The following PDLIM5 variants were observed in gnomAD, a reference collection of about 807,000 sequenced individuals.
PDLIM5 encodes the protein PDZ and LIM domain protein 5.
Under a neutral mutation model 64.2 loss-of-function variants are expected in PDLIM5, and 34 were observed. That is an observed-to-expected ratio of 0.53 (90% CI 0.40 to 0.71). PDLIM5 has a LOEUF of 0.71. Among genes scored for constraint, PDLIM5 ranks in the 30% least tolerant of loss-of-function variants. PDLIM5 has a pLI of 0.00. For synonymous variants in PDLIM5, 253 were observed against 269.1 expected (o/e 0.94, Z 0.59); for missense variants, 683 against 733.6 (o/e 0.93, Z 0.80).
At chr4:94,509,483 A>G (rs1015212976) in intron 2 of PDLIM5, among the ~76,000 whole-genome samples, 2 of 152,200 alleles carry the variant, frequency 1.3e-5, no homozygotes, top group Non-Finnish European at 2.9e-5. Context: ...TGCCATGCCT[A>G]CAACAGCCTA....
intron 2 of PDLIM5, among the ~76,000 whole-genome samples, chr4:94,482,328 C>T (rs1244135665): frequency 1.3e-5 from 2 of 152,032 alleles, no homozygotes; most frequent in East Asian, 1.9e-4. Flanking sequence ...AGCCACTGCA[C>T]CCAGCCCAAT....
At chr4:94,643,050 T>G (rs1240401274) in intron 9 of PDLIM5, among the ~76,000 whole-genome samples, 1 of 152,184 alleles carries the variant, frequency 6.6e-6, no homozygotes, top group Non-Finnish European at 1.5e-5. Context: ...ATTTTATGTT[T>G]TATTTTATTT....
intron 9 of PDLIM5, among the ~76,000 whole-genome samples, chr4:94,647,137 A>G (rs1481343456): frequency 3.3e-5 from 5 of 152,166 alleles, no homozygotes. Context: ...AAATGCCACT[A>G]ATAAATCCTA....
At chr4:94,622,236 AT>A in intron 8 of PDLIM5, among the ~76,000 whole-genome samples, 1 of 152,200 alleles carries the variant, frequency 6.6e-6, no homozygotes, top group East Asian at 1.9e-4. Flanking sequence ...AAGTCTTTTG[AT>A]TTAGAAGGTG....
intron 2 of PDLIM5, among the ~76,000 whole-genome samples, chr4:94,464,683 C>A (rs892428181): frequency 6.6e-6 from 1 of 152,080 alleles, no homozygotes; most frequent in Non-Finnish European, 1.5e-5. Flanking sequence ...TTGGTCATTC[C>A]TTTGAAGTAT....
At chr4:94,512,409 C>T (rs1333246405) in intron 2 of PDLIM5, among the ~76,000 whole-genome samples, 3 of 152,118 alleles carry the variant, frequency 2.0e-5, no homozygotes, top group African/African-American at 7.2e-5. Context: ...TACAAGGGTT[C>T]CCTTTTCTCC....
intron 2 of PDLIM5, among the ~76,000 whole-genome samples, chr4:94,466,831 A>T (rs1241101434): frequency 6.6e-6 from 1 of 152,226 alleles, no homozygotes; most frequent in Non-Finnish European, 1.5e-5. Flanking sequence ...TTTATGACAA[A>T]TGAAAGATTT....
At chr4:94,540,524 T>C (rs1425323527) in intron 3 of PDLIM5, among the ~76,000 whole-genome samples, 1 of 152,158 alleles carries the variant, frequency 6.6e-6, no homozygotes, top group South Asian at 2.1e-4. Flanking sequence ...CTGTGTAATA[T>C]GTGTAGGGAG....
chr4:94,525,430 A>C (rs1039046467), intron 3 of PDLIM5, among the ~76,000 whole-genome samples: 1 of 144,586 alleles, frequency 6.9e-6, no homozygotes, highest in Non-Finnish European at 1.5e-5. Context: ...CACCCCCCAA[A>C]AAAATATTAA....
intron 7 of PDLIM5, chr4:94,586,957 C>CT (rs70946535): frequency 0.11 from 132,906 of 1,187,168 alleles, 3,564 homozygotes; most frequent in African/African-American, 0.21. Flanking sequence ...TTCTATCACT[C>CT]TTTTTTTTTT....
intron 7 of PDLIM5, among the ~76,000 whole-genome samples, chr4:94,593,625 T>C (rs1225826435): frequency 6.6e-6 from 1 of 152,166 alleles, no homozygotes; most frequent in Middle Eastern, 3.2e-3. Flanking sequence ...CCCACCCTTA[T>C]GACTTCATTT....
chr4:94,607,276 T>A (rs962332542), intron 7 of PDLIM5, among the ~76,000 whole-genome samples: 2 of 151,920 alleles, frequency 1.3e-5, no homozygotes, highest in Non-Finnish European at 2.9e-5. Context: ...TTTTTTTTTT[T>A]AATGGCTAAT....
chr4:94,457,449 C>T (rs1227623858), intron 2 of PDLIM5, among the ~76,000 whole-genome samples: 1 of 152,074 alleles, frequency 6.6e-6, no homozygotes, highest in Non-Finnish European at 1.5e-5. Context: ...ATTATGGGAA[C>T]AGGAGCAATC....
chr4:94,532,084 A>G (rs1002706849), intron 3 of PDLIM5, among the ~76,000 whole-genome samples: 1 of 152,120 alleles, frequency 6.6e-6, no homozygotes, highest in African/African-American at 2.4e-5. Flanking sequence ...TATATTTGCT[A>G]GTTCATTCCT....
chr4:94,480,324 A>G (rs1000126702), intron 2 of PDLIM5, among the ~76,000 whole-genome samples: 1 of 152,270 alleles, frequency 6.6e-6, no homozygotes, highest in Non-Finnish European at 1.5e-5. Flanking sequence ...ATCAGAGTCC[A>G]GTTAGGAAAA....
intron 8 of PDLIM5, among the ~76,000 whole-genome samples, chr4:94,624,769 A>G (rs1360693902): frequency 1.3e-5 from 2 of 152,212 alleles, no homozygotes; most frequent in Non-Finnish European, 2.9e-5. Context: ...GTAGTTCAGT[A>G]TGTTTAAGAC....
intron 8 of PDLIM5, among the ~76,000 whole-genome samples, chr4:94,619,908 C>T (rs1173896826): frequency 6.6e-6 from 1 of 152,150 alleles, no homozygotes; most frequent in East Asian, 1.9e-4. Flanking sequence ...CAGGTGTGAG[C>T]TCTCATGCTT....
rs780089053 is a variant in PDLIM5 at position 94,654,610 on chromosome 4, A to G, written c.1434A>G (p.Glu478=). The change falls in exon 10 of 13, where the codon GAA becomes GAG. Residue 478 remains glutamate (E), a synonymous_variant. Transcript: ENST00000317968. ...ELCYEKFFAP[E]CGRCQRKILG... is the part of the protein sequence containing the mutation. ...GCTATGAGAAATTCTTTGCCCCTGA[A>G]TGTGGTCGATGCCAAAGGAAGATCC... is the stretch of plus-strand genomic sequence containing the variant. The G allele has an allele frequency of 1.9e-6, 3 of 1,612,028 alleles. No homozygotes were observed. Among genetic ancestry groups the G allele is most frequent in the Middle Eastern group, 1.7e-4 (1 of 6,054 alleles).
intron 5 of PDLIM5, among the ~76,000 whole-genome samples, chr4:94,583,520 A>G (rs1735911559): frequency 6.6e-6 from 1 of 152,180 alleles, no homozygotes; most frequent in Non-Finnish European, 1.5e-5. Context: ...GACTTGCATA[A>G]GATAAAGAGT....
Sources: gnomAD v4.1 joint callset for allele counts (sites outside exome capture counted in the v4.1 genomes callset) on GRCh38, gnomAD v4.1.1 for gene constraint, MANE v1.5 for transcripts, NCBI Gene and HGNC (gene_info 2026-07-23, HGNC 2026-07-21) for gene names.